The following BCKDHB variants were observed in gnomAD, a reference collection of about 807,000 sequenced individuals.
BCKDHB encodes 2-oxoisovalerate dehydrogenase subunit beta, mitochondrial.
In BCKDHB, 41 loss-of-function variants were observed where a neutral mutation model predicts 48.5. The ratio of observed to expected loss-of-function variants is 0.85; its 90% CI spans 0.66 to 1.10. BCKDHB has a LOEUF of 1.10. Among genes scored for constraint, BCKDHB ranks in the 50% least tolerant of loss-of-function variants. The probability of loss-of-function intolerance (pLI) is 0.00; values close to 1 mark genes in which losing one functional copy is unlikely to be tolerated. For synonymous variants in BCKDHB, 201 were observed against 174.8 expected (o/e 1.15, Z -1.18); for missense variants, 496 against 494.2 (o/e 1.00, Z -0.03).
intron 6 of BCKDHB, among the ~76,000 whole-genome samples, chr6:80,191,517 GA>G (rs1773892536): frequency 6.6e-6 from 1 of 152,012 alleles, no homozygotes; most frequent in South Asian, 2.1e-4. Context: ...CTACCCAATA[GA>G]AGCCACTATA....
At chr6:80,462,552 C>T in the BCKDHB span, among the ~76,000 whole-genome samples, 1 of 152,286 alleles carries the variant, frequency 6.6e-6, no homozygotes, top group East Asian at 1.9e-4. Context: ...TTTTAGGTTA[C>T]AGTAGCCACA....
At chr6:80,215,477 A>AT in intron 8 of BCKDHB, among the ~76,000 whole-genome samples, 1 of 152,324 alleles carries the variant, frequency 6.6e-6, no homozygotes, top group Non-Finnish European at 1.5e-5. Context: ...AATTTTGTGT[A>AT]TTATGTTCAT....
chr6:80,420,154 T>C, the BCKDHB span, among the ~76,000 whole-genome samples: 1 of 152,232 alleles, frequency 6.6e-6, no homozygotes, highest in Non-Finnish European at 1.5e-5. Context: ...ATCTCCAATT[T>C]TTTAAGGTCA....
At chr6:80,377,487 T>G in the BCKDHB span, among the ~76,000 whole-genome samples, 1 of 152,186 alleles carries the variant, frequency 6.6e-6, no homozygotes, top group African/African-American at 2.4e-5. Flanking sequence ...AGCTCTTAAA[T>G]TTAGGTCTTT....
rs551547339 is a variant in BCKDHB, at chr6:80,124,282, T to C, written c.197-3265T>C. ...ACAGTTTGTTGTTATTTCTGTTCTTTTACATTTGCTGAAAAGTGCTTTACT... is the reference window on the plus strand; with the variant it reads ...ACAGTTTGTTGTTATTTCTGTTCTTCTACATTTGCTGAAAAGTGCTTTACT... On this transcript the variant is annotated intron_variant, in intron 1 of 9. Transcript: ENST00000320393. Among the ~76,000 whole-genome samples the C allele has an allele frequency of 1.2e-4, 19 of 152,326 alleles. No individual in the cohort carries two copies. The South Asian group carries it at 3.9e-3, about 32-fold the overall frequency.
Position 80,155,135 on chromosome 6 carries a change from T to C in BCKDHB, c.344-12543T>C, listed in dbSNP as rs148102297. 1.7e-3 allele frequency among the ~76,000 whole-genome samples: 266 copies of C among 152,288 alleles called. 1 individual carries two copies. The highest frequency in any genetic ancestry group is 6.0e-3 in the African/African-American group (251 of 41,594). On this transcript the variant is annotated intron_variant, in intron 3 of 9. Transcript: ENST00000320393. Reference sequence around the variant, plus strand: ...AAGTTTTCCTGATCATTTTTATTCCTGTTTTCTTAACATGCTTTTTATTTT... The same window carrying C: ...AAGTTTTCCTGATCATTTTTATTCCCGTTTTCTTAACATGCTTTTTATTTT...
chr6:80,171,996 AG>A (rs1246458006), intron 6 of BCKDHB, among the ~76,000 whole-genome samples: 8 of 152,252 alleles, frequency 5.3e-5, no homozygotes, highest in African/African-American at 1.9e-4. Flanking sequence ...CACTCCTGGA[AG>A]CTTCTTCCTC....
chr6:80,452,927 C>T, the BCKDHB span, among the ~76,000 whole-genome samples: 1 of 151,914 alleles, frequency 6.6e-6, no homozygotes, highest in Non-Finnish European at 1.5e-5. Context: ...TTAGTGCCGT[C>T]TTCTTGTCTG....
In BCKDHB at chr6:80,245,842, G is replaced by A. The variant is rs550937690; in HGVS notation, c.952-27293G>A. Among the ~76,000 whole-genome samples, 7 of 152,274 alleles carry A rather than the reference G, an allele frequency of 4.6e-5. No individual in the cohort carries two copies. The East Asian group carries it at 5.8e-4, about 13-fold the overall frequency. On this transcript the variant is annotated intron_variant, in intron 8 of 9. Transcript: ENST00000320393. ...TGCAATCCCAGCACGTTGGGAGGCC[G>A]AGGCAGGTGGATCACTTAAGCTTAG...
At chr6:80,155,566 A>AT (rs1224890561) in intron 3 of BCKDHB, among the ~76,000 whole-genome samples, 1 of 152,076 alleles carries the variant, frequency 6.6e-6, no homozygotes, top group Non-Finnish European at 1.5e-5. Flanking sequence ...GGATTTTGTC[A>AT]TTTTGTAATT....
chr6:80,160,676 C>T (rs1463412832), intron 3 of BCKDHB, among the ~76,000 whole-genome samples: 1 of 152,158 alleles, frequency 6.6e-6, no homozygotes, highest in Non-Finnish European at 1.5e-5. Flanking sequence ...TGTAGAACTT[C>T]TTAATCATGC....
intron 8 of BCKDHB, among the ~76,000 whole-genome samples, chr6:80,222,398 A>G (rs767783443): frequency 6.6e-6 from 1 of 152,242 alleles, no homozygotes; most frequent in Non-Finnish European, 1.5e-5. Flanking sequence ...CCAGTGAAAC[A>G]ACGATTACTA....
intron 3 of BCKDHB, among the ~76,000 whole-genome samples, chr6:80,143,896 G>T (rs1771340703): frequency 6.6e-6 from 1 of 152,042 alleles, no homozygotes; most frequent in African/African-American, 2.4e-5. Flanking sequence ...TAGTAATAAG[G>T]AATTTCTTCT....
the BCKDHB span, among the ~76,000 whole-genome samples, chr6:80,370,520 C>A: frequency 3.8e-3 from 572 of 152,168 alleles, 6 homozygotes; most frequent in African/African-American, 0.013. Context: ...ATACACTGTA[C>A]CCAATGTGTA....
chr6:80,145,284 G>A (rs1771426068), intron 3 of BCKDHB, among the ~76,000 whole-genome samples: 1 of 152,148 alleles, frequency 6.6e-6, no homozygotes, highest in African/African-American at 2.4e-5. Context: ...ACAGCCATGA[G>A]TGGACTGTTG....
intron 8 of BCKDHB, among the ~76,000 whole-genome samples, chr6:80,232,891 T>C (rs1775994223): frequency 6.6e-6 from 1 of 151,958 alleles, no homozygotes; most frequent in African/African-American, 2.4e-5. Flanking sequence ...TTGAGTCTTT[T>C]AATCAAGCCA....
intron 1 of BCKDHB, among the ~76,000 whole-genome samples, chr6:80,118,995 A>G (rs1769858245): frequency 6.6e-6 from 1 of 152,124 alleles, no homozygotes; most frequent in African/African-American, 2.4e-5. Flanking sequence ...GAATCCCTCA[A>G]AGTCATCCAT....
At chr6:80,251,855 A>G (rs1184939203) in intron 8 of BCKDHB, 1 of 152,132 alleles carries the variant, frequency 6.6e-6, no homozygotes, top group African/African-American at 2.4e-5. Context: ...GCTGTGTACA[A>G]ATTTTTTATT....
At chr6:80,144,049 C>T (rs899075484) in intron 3 of BCKDHB, among the ~76,000 whole-genome samples, 4 of 152,056 alleles carry the variant, frequency 2.6e-5, no homozygotes, top group Non-Finnish European at 5.9e-5. Flanking sequence ...AATCAATATC[C>T]TATAGACAAT....
Sources: allele counts gnomAD v4.1 joint callset (sites outside exome capture counted in the v4.1 genomes callset), GRCh38; gene constraint gnomAD v4.1.1; transcripts MANE v1.5; gene names NCBI Gene and HGNC (gene_info 2026-07-23, HGNC 2026-07-21).